Variants in NLGN1 observed in about 807,000 individuals in gnomAD.
The protein encoded by NLGN1 is neuroligin 1, also known as neuroligin-1.
NLGN1 carries 12 observed loss-of-function variants against 65.5 expected under a neutral mutation model. The ratio of observed to expected loss-of-function variants is 0.18; its 90% CI spans 0.12 to 0.30. The LOEUF is 0.30. Ranked by LOEUF, NLGN1 falls within the 10% of genes least tolerant of loss-of-function variation. NLGN1 has a pLI of 1.00. For synonymous variants in NLGN1, 350 were observed against 359.5 expected (o/e 0.97, Z 0.30); for missense variants, 750 against 1,007.1 (o/e 0.74, Z 3.46).
At chr3:173,984,254 A>G (rs1579572362) in intron 4 of NLGN1, among the ~76,000 whole-genome samples, 1 of 152,102 alleles carries the variant, frequency 6.6e-6, no homozygotes, top group African/African-American at 2.4e-5. Flanking sequence ...CTTATTATGT[A>G]TTTTCCTTGG....
At chr3:173,638,598 C>T (rs115362359) in intron 3 of NLGN1, among the ~76,000 whole-genome samples, 2,417 of 152,148 alleles carry the variant, frequency 0.016, 34 homozygotes, top group Non-Finnish European at 0.026. Flanking sequence ...GTAAAATGTA[C>T]GTACCACACA....
chr3:173,566,478 A>G (rs1743685851), intron 2 of NLGN1, among the ~76,000 whole-genome samples: 2 of 152,204 alleles, frequency 1.3e-5, no homozygotes. Context: ...AGTAATACCC[A>G]TTAATAAAAT....
At chr3:174,180,859 T>A (rs1013394142) in intron 4 of NLGN1, 2 of 151,962 alleles carry the variant, frequency 1.3e-5, no homozygotes, top group African/African-American at 4.8e-5. Flanking sequence ...GTACAAACAA[T>A]GTATAGAACT....
intron 4 of NLGN1, among the ~76,000 whole-genome samples, chr3:173,867,435 C>T (rs911579114): frequency 6.6e-5 from 10 of 151,970 alleles, no homozygotes; most frequent in Admixed American, 2.6e-4. Flanking sequence ...ACTTATAATA[C>T]GGTTCTGACT....
At chr3:174,186,583 T>G (rs986021780) in intron 4 of NLGN1, among the ~76,000 whole-genome samples, 20 of 152,004 alleles carry the variant, frequency 1.3e-4, no homozygotes, top group Non-Finnish European at 1.2e-4. Context: ...GAGCACTGTT[T>G]TTTACTCTGA....
At chr3:174,259,708 G>A (rs1174700070) in intron 4 of NLGN1, among the ~76,000 whole-genome samples, 2 of 150,026 alleles carry the variant, frequency 1.3e-5, no homozygotes, top group African/African-American at 4.9e-5. Context: ...TTATACTTTA[G>A]GTTTTAGGGT....
In NLGN1 at chr3:173,409,940, A is replaced by G. The variant is rs73883124; in HGVS notation, c.-390+11453A>G. Among the ~76,000 whole-genome samples, 798 of 152,266 alleles carry G rather than the reference A, an allele frequency of 5.2e-3. 7 individuals carry two copies. The highest frequency in any genetic ancestry group is 0.018 in the African/African-American group (764 of 41,562). On this transcript the variant is annotated intron_variant, in intron 1 of 6. Coordinates refer to ENST00000457714, the Ensembl canonical transcript of NLGN1. ...GGACCTGTAGGGGGGCCAAGAGGCA[A>G]TCTCTGGAGAGGGTGGGAGATTGAG...
At position 173,995,567 on chromosome 3, in the gene NLGN1, A is replaced by AG. The variant is rs1343355744; in HGVS notation, c.646+187738dup. Among the ~76,000 whole-genome samples the AG allele has an allele frequency of 3.3e-5, 5 of 152,216 alleles. No homozygotes were observed. The South Asian group carries it at 1.0e-3, about 32-fold the overall frequency. ...AGAAAACTTTCTGCCCTGAGTGAAG[A>AG]GGGAATTAGGGAAAAAGTATTGTGA... On this transcript the variant is annotated intron_variant, in intron 4 of 6. Transcript: ENST00000457714.
At chr3:173,534,614 T>G (rs1737143641) in intron 2 of NLGN1, among the ~76,000 whole-genome samples, 1 of 152,230 alleles carries the variant, frequency 6.6e-6, no homozygotes, top group Non-Finnish European at 1.5e-5. Flanking sequence ...AAGAATCAAC[T>G]AAAATGAATG....
Position 173,401,378 on chromosome 3 carries a change from G to T in NLGN1, c.-390+2891G>T, listed in dbSNP as rs935756379. 2.7e-3 allele frequency among the ~76,000 whole-genome samples: 410 copies of T among 151,238 alleles called. 3 individuals carry two copies. The highest frequency in any genetic ancestry group is 9.3e-3 in the African/African-American group (383 of 41,122). On this transcript the variant is annotated intron_variant, in intron 1 of 6. Transcript: ENST00000457714. ...CTCTTCCCTACCCCTGTTTTTTTTT[G>T]TTTTGTTTTGTTTTTTGTTTTTTTC...
intron 4 of NLGN1, among the ~76,000 whole-genome samples, chr3:174,243,013 CA>C (rs1743177440): frequency 6.6e-6 from 1 of 152,146 alleles, no homozygotes; most frequent in Non-Finnish European, 1.5e-5. Context: ...ATTGTCATTT[CA>C]AGCTTTTTAT....
chr3:173,852,318 T>C (rs1045924423), intron 4 of NLGN1, among the ~76,000 whole-genome samples: 6 of 112,568 alleles, frequency 5.3e-5, no homozygotes, highest in Admixed American at 1.4e-4. Flanking sequence ...ATCGCGCCAC[T>C]GCACTCCAGC....
At chr3:173,954,878 G>A (rs1464566381) in intron 4 of NLGN1, among the ~76,000 whole-genome samples, 1 of 152,080 alleles carries the variant, frequency 6.6e-6, no homozygotes, top group East Asian at 1.9e-4. Flanking sequence ...CATTGAATAT[G>A]GAAATAATAC....
intron 4 of NLGN1, among the ~76,000 whole-genome samples, chr3:173,968,062 A>T (rs1715270936): frequency 6.6e-6 from 1 of 152,138 alleles, no homozygotes; most frequent in Non-Finnish European, 1.5e-5. Flanking sequence ...TATCTCTGAA[A>T]GGTTGTGTGG....
chr3:174,150,283 TC>T (rs952982213), intron 4 of NLGN1, among the ~76,000 whole-genome samples: 6 of 152,128 alleles, frequency 3.9e-5, no homozygotes, highest in African/African-American at 1.4e-4. Context: ...CTTTTCTGTA[TC>T]AAAGTTAATG....
chr3:173,730,813 G>A (rs1422610341), intron 3 of NLGN1, among the ~76,000 whole-genome samples: 1 of 152,046 alleles, frequency 6.6e-6, no homozygotes, highest in African/African-American at 2.4e-5. Context: ...AGAACAAAAT[G>A]TTTAAAGCTT....
intron 4 of NLGN1, among the ~76,000 whole-genome samples, chr3:174,114,418 C>G (rs1420359666): frequency 6.6e-6 from 1 of 152,088 alleles, no homozygotes; most frequent in Non-Finnish European, 1.5e-5. Flanking sequence ...GGATAATCCC[C>G]AATTTTAAAA....
rs1380777305 is a variant in NLGN1, at chr3:173,415,904, T to TATAGAGAG, written c.-390+17418_-390+17419insTAGAGAGA. Among the ~76,000 whole-genome samples the TATAGAGAG allele has an allele frequency of 1.5e-3, 185 of 125,444 alleles. 1 individual carries two copies. The highest frequency in any genetic ancestry group is 5.9e-3 in the African/African-American group (181 of 30,492). 82.3% of individuals were successfully genotyped at this position (125,444 alleles called of 152,430 possible). A position where few individuals can be genotyped will look rare whatever the true frequency, so the allele number is the denominator to read the frequency against. On this transcript the variant is annotated intron_variant, in intron 1 of 6. Coordinates refer to ENST00000457714, the Ensembl canonical transcript of NLGN1. ...TGCAAGGAGTAAATATATATATATA[T>TATAGAGAG]AGAGAGAGAGAGAGGGAGAGAGAGA...
intron 2 of NLGN1, among the ~76,000 whole-genome samples, chr3:173,487,591 G>T (rs1244515153): frequency 6.6e-6 from 1 of 151,770 alleles, no homozygotes; most frequent in East Asian, 1.9e-4. Context: ...ATTGGCTTTT[G>T]TCAAATTCTC....
Sources: gnomAD v4.1 joint callset for allele counts (sites outside exome capture counted in the v4.1 genomes callset) on GRCh38, gnomAD v4.1.1 for gene constraint, MANE v1.5 for transcripts, NCBI Gene and HGNC (gene_info 2026-07-23, HGNC 2026-07-21) for gene names.